Variants in ZNF521 observed in about 807,000 individuals in gnomAD.
The protein encoded by ZNF521 is zinc finger protein 521.
In ZNF521, 14 loss-of-function variants were observed where a neutral mutation model predicts 105.5. The observed-to-expected ratio is 0.13, with a 90% CI of 0.09 to 0.21. ZNF521 has a LOEUF of 0.21. Among genes scored for constraint, ZNF521 ranks in the 10% least tolerant of loss-of-function variants. The probability of loss-of-function intolerance (pLI) is 1.00; values close to 1 mark genes in which losing one functional copy is unlikely to be tolerated. For missense variants in ZNF521, 1,233 were observed against 1,629.7 expected (o/e 0.76, Z 4.19); for synonymous variants, 635 against 606.0 (o/e 1.05, Z -0.70).
intron 3 of ZNF521, among the ~76,000 whole-genome samples, chr18:25,228,942 A>AT (rs1284622836): frequency 2.6e-5 from 4 of 152,130 alleles, no homozygotes; most frequent in African/African-American, 4.8e-5. Context: ...AAGGAGCACG[A>AT]TTTTTCAAAA....
chr18:25,229,867 T>C (rs1320277189), intron 3 of ZNF521, among the ~76,000 whole-genome samples: 1 of 152,196 alleles, frequency 6.6e-6, no homozygotes, highest in Non-Finnish European at 1.5e-5. Context: ...AGCTTGAAAA[T>C]TGAGCAAGTG....
At chr18:25,263,561 T>C (rs1309739239) in intron 3 of ZNF521, among the ~76,000 whole-genome samples, 1 of 151,748 alleles carries the variant, frequency 6.6e-6, no homozygotes, top group Non-Finnish European at 1.5e-5. Flanking sequence ...CTTCACCATG[T>C]AGGTCAACAA....
chr18:25,346,260 CAT>C (rs1030182701), intron 2 of ZNF521, among the ~76,000 whole-genome samples: 8 of 151,008 alleles, frequency 5.3e-5, no homozygotes, highest in Non-Finnish European at 7.4e-5. Flanking sequence ...AGAAATGAAA[CAT>C]ATGAAATATA....
intron 2 of ZNF521, among the ~76,000 whole-genome samples, chr18:25,330,000 G>T (rs1913469356): frequency 6.6e-6 from 1 of 152,178 alleles, no homozygotes; most frequent in Admixed American, 6.5e-5. Flanking sequence ...GTGTTTGCCA[G>T]GCACCATGCT....
intron 1 of ZNF521, 55 bp downstream of exon 1, chr18:25,351,950 C>T (rs1914811894): frequency 3.1e-6 from 1 of 323,356 alleles, no homozygotes. Flanking sequence ...AGGAGGAGAG[C>T]CGGGAGCAGG....
rs561307625 is a variant in ZNF521, at chr18:25,292,055, A to C, written c.220+29953T>G. ...TTGAAAGAAAAAAAGGAGGGGAATAAAAAGAAGAAAAAGTGCTATCCAAGG... is the reference window on the plus strand; with the variant it reads ...TTGAAAGAAAAAAAGGAGGGGAATACAAAGAAGAAAAAGTGCTATCCAAGG... On this transcript the variant is annotated intron_variant, in intron 3 of 7. Coordinates refer to ENST00000361524, the MANE Select transcript of ZNF521 (RefSeq NM_015461.3). 2.0e-5 allele frequency among the ~76,000 whole-genome samples: 3 copies of C among 152,298 alleles called. No homozygotes were observed. In the South Asian group the frequency reaches 6.2e-4, roughly 32 times the overall value.
intron 3 of ZNF521, among the ~76,000 whole-genome samples, chr18:25,303,307 TGTGAGA>T (rs771035856): frequency 8.3e-5 from 9 of 107,912 alleles, no homozygotes; most frequent in East Asian, 2.6e-4. Flanking sequence ...TGTGTGTGTG[TGTGAGA>T]GAGAGACGGA....
intron 3 of ZNF521, among the ~76,000 whole-genome samples, chr18:25,264,338 A>C (rs572671439): frequency 4.3e-4 from 66 of 152,346 alleles, no homozygotes; most frequent in African/African-American, 1.4e-3. Flanking sequence ...TATTTTTGTC[A>C]TTAACAAATT....
chr18:25,214,241 T>C (rs1296072374), intron 4 of ZNF521, among the ~76,000 whole-genome samples: 2 of 152,154 alleles, frequency 1.3e-5, no homozygotes, highest in African/African-American at 4.8e-5. Context: ...AAAAGAATTA[T>C]TGCATTCTTT....
intron 5 of ZNF521, among the ~76,000 whole-genome samples, chr18:25,135,267 T>C (rs1357704056): frequency 7.0e-6 from 1 of 142,826 alleles, no homozygotes; most frequent in African/African-American, 2.7e-5. Flanking sequence ...CATACATACA[T>C]GTATATGTAT....
chr18:25,120,582 TA>T (rs796811110), intron 5 of ZNF521, among the ~76,000 whole-genome samples: 17 of 11,370 alleles, frequency 1.5e-3, no homozygotes, highest in Non-Finnish European at 4.8e-3. Context: ...AAACTCCATC[TA>T]AAAAAAAAAA....
At position 25,279,697 on chromosome 18, in the gene ZNF521, G is replaced by A. The variant is rs377267886; in HGVS notation, c.220+42311C>T. 3.6e-4 allele frequency among the ~76,000 whole-genome samples: 55 copies of A among 152,294 alleles called. No homozygotes were observed. In the South Asian group the frequency reaches 0.011, roughly 29 times the overall value. ...AATAGAAAATGTTTCATATGCAAGCGTTTTAACTTCACATTATGGGAAATA... is the reference window on the plus strand; with the variant it reads ...AATAGAAAATGTTTCATATGCAAGCATTTTAACTTCACATTATGGGAAATA... On this transcript the variant is annotated intron_variant, in intron 3 of 7. Transcript: ENST00000361524.
intron 5 of ZNF521, among the ~76,000 whole-genome samples, chr18:25,102,244 T>C (rs1212621715): frequency 6.6e-6 from 1 of 151,874 alleles, no homozygotes; most frequent in Non-Finnish European, 1.5e-5. Flanking sequence ...CTATTTGGCA[T>C]TTTTTTTAAA....
chr18:25,246,745 C>T (rs1224922623), intron 3 of ZNF521, among the ~76,000 whole-genome samples: 2 of 152,158 alleles, frequency 1.3e-5, no homozygotes, highest in African/African-American at 4.8e-5. Context: ...TTCCTTTCCC[C>T]ACCTAAGAGA....
intron 3 of ZNF521, among the ~76,000 whole-genome samples, chr18:25,243,348 T>C (rs1430198147): frequency 6.6e-6 from 1 of 152,178 alleles, no homozygotes; most frequent in East Asian, 1.9e-4. Flanking sequence ...TATACCAAAA[T>C]AACTTCATTC....
intron 4 of ZNF521, among the ~76,000 whole-genome samples, chr18:25,212,380 C>T (rs1002929995): frequency 6.7e-6 from 1 of 149,862 alleles, no homozygotes; most frequent in Non-Finnish European, 1.5e-5. Context: ...CATGGTGGCG[C>T]ACACCTGTAG....
At chr18:25,350,073 G>T (rs1914658982) in intron 2 of ZNF521, among the ~76,000 whole-genome samples, 1 of 151,990 alleles carries the variant, frequency 6.6e-6, no homozygotes, top group Admixed American at 6.5e-5. Flanking sequence ...GACTCTCCTC[G>T]CCACATTCCA....
chr18:25,139,405 C>G (rs1403350214), intron 5 of ZNF521, among the ~76,000 whole-genome samples: 2 of 96,370 alleles, frequency 2.1e-5, no homozygotes, highest in African/African-American at 8.0e-5. Context: ...AAAAAAAAGA[C>G]AATAAGCCTT....
chr18:25,064,038 T>C (rs543813330), intron 7 of ZNF521, among the ~76,000 whole-genome samples: 4 of 152,352 alleles, frequency 2.6e-5, no homozygotes, highest in African/African-American at 9.6e-5. Flanking sequence ...TATTCATTCA[T>C]CTACAAGCAT....
Sources: allele counts gnomAD v4.1 joint callset (sites outside exome capture counted in the v4.1 genomes callset), GRCh38; gene constraint gnomAD v4.1.1; transcripts MANE v1.5; gene names NCBI Gene and HGNC (gene_info 2026-07-23, HGNC 2026-07-21).